The following XPO6 variants were observed in gnomAD, a reference collection of about 807,000 sequenced individuals.
XPO6 encodes the protein exportin 6.
Under a neutral mutation model 130.0 loss-of-function variants are expected in XPO6, and 3 were observed. That is an observed-to-expected ratio of 0.02 (90% confidence interval 0.01 to 0.06). The LOEUF (loss-of-function observed/expected upper bound fraction) is 0.06. Among genes scored for constraint, XPO6 ranks in the 10% least tolerant of loss-of-function variants. XPO6 has a pLI of 1.00. For synonymous variants in XPO6, 524 were observed against 548.9 expected, an observed-to-expected ratio of 0.95 and a Z score of 0.63; for missense variants, 970 against 1,393.0, an observed-to-expected ratio of 0.70 and a Z score of 4.83.
At chr16:28,169,216 T>C (rs2062862740) in intron 5 of XPO6, among the ~76,000 whole-genome samples, 1 of 152,170 alleles carries the variant, frequency 6.6e-6, no homozygotes, top group South Asian at 2.1e-4. Context: ...TACCTTCCTG[T>C]CTCATGTTGT....
At chr16:28,134,525 T>C (rs1051928631) in intron 10 of XPO6, among the ~76,000 whole-genome samples, 1 of 152,212 alleles carries the variant, frequency 6.6e-6, no homozygotes, top group East Asian at 1.9e-4. Flanking sequence ...ATCTCCTCCA[T>C]GCCCAAGGTT....
rs1196324765 is a variant in XPO6 at position 28,158,495 on chromosome 16, A to C, written c.644-1968T>G. Reference sequence around the variant, plus strand: ...GAAAAATATAGTTATTTTTTATTAAAGCATATTATCTGTTAATATGTAATG... The same window carrying C: ...GAAAAATATAGTTATTTTTTATTAACGCATATTATCTGTTAATATGTAATG... On this transcript the variant is annotated intron_variant, in intron 6 of 23. Coordinates refer to ENST00000304658, the MANE Select transcript of XPO6 (RefSeq NM_015171.4). Among the ~76,000 whole-genome samples the C allele has an allele frequency of 3.9e-5, 6 of 152,238 alleles. No individual in the cohort carries two copies. The East Asian group carries it at 1.2e-3, about 29-fold the overall frequency.
chr16:28,168,445 C>T (rs773119319), intron 5 of XPO6, among the ~76,000 whole-genome samples: 3 of 151,666 alleles, frequency 2.0e-5, no homozygotes, highest in Admixed American at 1.3e-4. Context: ...TTCACATCAC[C>T]GCACTCCAGC....
In XPO6 at chr16:28,124,898, G is replaced by A. The variant is rs1216669278; in HGVS notation, c.1766+791C>T. ...CAGTGATGCGGCTGCTGGGCCAGTC[G>A]AAGCATCAGGTGTCTTGGCTTTGGG... is the stretch of plus-strand genomic sequence containing the variant. On this transcript the variant is annotated intron_variant, in intron 13 of 23. Transcript: ENST00000304658. Among the ~76,000 whole-genome samples, 11 of 152,314 alleles carry A rather than the reference G, an allele frequency of 7.2e-5. 1 individual carries two copies. Among genetic ancestry groups the A allele is most frequent in the Middle Eastern group, 3.4e-3 (1 of 292 alleles).
At chr16:28,197,914 TAAAAAA>T (rs56896819) in intron 1 of XPO6, among the ~76,000 whole-genome samples, 1 of 45,732 alleles carries the variant, frequency 2.2e-5, no homozygotes, top group Non-Finnish European at 3.5e-5. Flanking sequence ...GAGAGACTCT[TAAAAAA>T]AAAAAAAAAA....
chr16:28,136,416 C>T (rs1212233858), intron 9 of XPO6, among the ~76,000 whole-genome samples: 3 of 152,130 alleles, frequency 2.0e-5, no homozygotes, highest in Admixed American at 6.5e-5. Context: ...GACAGGATTT[C>T]GCCATGTTGG....
chr16:28,098,553 G>A lies in XPO6; in HGVS notation c.3363C>T (p.Gly1121=), dbSNP rs761334280. 11 of 1,612,218 alleles carry A rather than the reference G, an allele frequency of 6.8e-6. No individual in the cohort carries two copies. The highest frequency in any genetic ancestry group is 9.3e-6 in the Non-Finnish European group (11 of 1,178,858). The part of the protein sequence containing the change: ...YRLCNDSLPP[G]TVKL ...AGTAGCAGGCCTAGAGCTTCACAGT[G>A]CCAGGGGGCAGGCTGTCGTTGCAGA... The change falls in exon 24 of 24, where the codon GGC becomes GGT. Residue 1121 remains glycine (G), a synonymous_variant. Coordinates refer to ENST00000304658, the MANE Select transcript of XPO6 (RefSeq NM_015171.4).
At chr16:28,187,627 G>A (rs920143125) in intron 1 of XPO6, among the ~76,000 whole-genome samples, 8 of 150,102 alleles carry the variant, frequency 5.3e-5, no homozygotes, top group East Asian at 2.0e-4. Flanking sequence ...CTGTTCATAC[G>A]TCATAGATAT....
At chr16:28,177,561 C>T (rs1567640301) in intron 2 of XPO6, among the ~76,000 whole-genome samples, 1 of 152,172 alleles carries the variant, frequency 6.6e-6, no homozygotes, top group Non-Finnish European at 1.5e-5. Context: ...AATAACCTCG[C>T]TATGGATATT....
intron 1 of XPO6, among the ~76,000 whole-genome samples, chr16:28,191,707 G>C (rs749998468): frequency 1.3e-5 from 2 of 152,202 alleles, no homozygotes; most frequent in Non-Finnish European, 2.9e-5. Context: ...GAAGCACAGA[G>C]GAGTTCTGCT....
chr16:28,161,220 T>C (rs1041841359), intron 6 of XPO6, among the ~76,000 whole-genome samples: 4 of 152,338 alleles, frequency 2.6e-5, no homozygotes, highest in African/African-American at 9.6e-5. Context: ...CATGAGAGAA[T>C]GGGAATAAAA....
chr16:28,210,162 G>A (rs936947570), intron 1 of XPO6, among the ~76,000 whole-genome samples: 1 of 152,110 alleles, frequency 6.6e-6, no homozygotes. Flanking sequence ...TACACTATAC[G>A]TATAGCATAT....
At chr16:28,174,315 G>C (rs971278311) in intron 4 of XPO6, among the ~76,000 whole-genome samples, 2 of 152,108 alleles carry the variant, frequency 1.3e-5, no homozygotes, top group Admixed American at 6.6e-5. Flanking sequence ...TCTGTCCCCA[G>C]AAAAGCCTTC....
chr16:28,136,273 G>A (rs922213150), intron 9 of XPO6, among the ~76,000 whole-genome samples: 4 of 152,164 alleles, frequency 2.6e-5, no homozygotes, highest in Non-Finnish European at 5.9e-5. Flanking sequence ...AGGCTGAAGT[G>A]CAACGGCGCA....
intron 9 of XPO6, among the ~76,000 whole-genome samples, chr16:28,145,382 A>C (rs1309443073): frequency 6.6e-6 from 1 of 152,156 alleles, no homozygotes; most frequent in African/African-American, 2.4e-5. Flanking sequence ...TGTGGCACAA[A>C]GAACATATTG....
Position 28,176,060 on chromosome 16 carries a change from A to C in XPO6, c.243T>G (p.Ser81=). The C allele has an allele frequency of 6.2e-7, 1 of 1,614,218 alleles. No individual in the cohort carries two copies. Among genetic ancestry groups the C allele is most frequent in the Non-Finnish European group, 8.5e-7 (1 of 1,180,034 alleles). The part of the protein sequence containing the change: ...LINKMWLGVP[S]QDKMEIRSCL... ...AGCTACGGATTTCCATCTTATCCTG[A>C]GATGGGACCCCAAGCCACATTTTAT... Residue 81 remains serine (S), a synonymous_variant, in exon 4 of 24, where the codon TCT becomes TCG. Transcript: ENST00000304658.
chr16:28,152,332 G>C (rs1018499327), intron 8 of XPO6, among the ~76,000 whole-genome samples: 29 of 152,286 alleles, frequency 1.9e-4, no homozygotes, highest in African/African-American at 7.0e-4. Flanking sequence ...CGTAATTTCA[G>C]ACTTTTCCTT....
chr16:28,196,889 T>G (rs570890991), intron 1 of XPO6, among the ~76,000 whole-genome samples: 78 of 152,316 alleles, frequency 5.1e-4, no homozygotes, highest in African/African-American at 1.9e-3. Context: ...CCTTACCACA[T>G]GCCCAATCTT....
At chr16:28,159,265 A>G (rs555023572) in intron 6 of XPO6, among the ~76,000 whole-genome samples, 59 of 152,230 alleles carry the variant, frequency 3.9e-4, no homozygotes, top group African/African-American at 1.3e-3. Flanking sequence ...AAAAAAAACT[A>G]TAACAAGAAG....
Sources: allele counts gnomAD v4.1 joint callset (sites outside exome capture counted in the v4.1 genomes callset), GRCh38; gene constraint gnomAD v4.1.1; transcripts MANE v1.5; gene names NCBI Gene and HGNC (gene_info 2026-07-23, HGNC 2026-07-21).